RIC3: variants seen among roughly 807,000 people sequenced by gnomAD.
RIC3 encodes protein RIC-3.
In RIC3, 28 loss-of-function variants were observed where a neutral mutation model predicts 27.3. The ratio of observed to expected loss-of-function variants is 1.02; its 90% CI spans 0.76 to 1.41. The LOEUF is 1.41. Ranked by LOEUF, RIC3 falls within the 40% of genes most tolerant of loss-of-function variation. The pLI is 0.00. For synonymous variants in RIC3, 184 were observed against 160.4 expected, an observed-to-expected ratio of 1.15 and a Z score of -1.11; for missense variants, 501 against 444.7, an observed-to-expected ratio of 1.13 and a Z score of -1.14.
At chr11:8,167,270 A>G (rs1465538299) in intron 1 of RIC3, among the ~76,000 whole-genome samples, 3 of 152,194 alleles carry the variant, frequency 2.0e-5, no homozygotes, top group African/African-American at 7.2e-5. Flanking sequence ...AAACAAGTAA[A>G]CACTTAAGAA....
At chr11:8,103,919 G>T (rs1159620798), downstream of RIC3, 1 of 152,236 alleles carries the variant, frequency 6.6e-6, no homozygotes, top group Non-Finnish European at 1.5e-5. Context: ...GCACAAAGAG[G>T]GAGTTGGCTG....
chr11:8,110,691 G>A lies in RIC3; in HGVS notation c.*7C>T. 6.2e-7 allele frequency: 1 copy of A among 1,613,112 alleles called. No homozygotes were observed. The highest frequency in any genetic ancestry group is 8.5e-7 in the Non-Finnish European group (1 of 1,179,126). On this transcript the variant is annotated 3_prime_UTR_variant, in exon 6 of 6. Coordinates refer to ENST00000309737, the MANE Select transcript of RIC3 (RefSeq NM_001206671.4). Reference sequence around the variant, plus strand: ...CTTGAGTAATGGATACTTCAGACTGGCTGTTTTCACTCTAAACCCTGGGGG... The same window carrying A: ...CTTGAGTAATGGATACTTCAGACTGACTGTTTTCACTCTAAACCCTGGGGG...
At chr11:8,097,277 T>C in the RIC3 span, 5 of 1,614,008 alleles carry the variant, frequency 3.1e-6, no homozygotes, top group African/African-American at 2.7e-5. Context: ...CCAGTGGACG[T>C]TGAGGTCCAG....
At chr11:8,134,874 C>A (rs538275528) in intron 4 of RIC3, among the ~76,000 whole-genome samples, 5 of 151,994 alleles carry the variant, frequency 3.3e-5, no homozygotes, top group Non-Finnish European at 7.4e-5. Flanking sequence ...TTGAGTTCAT[C>A]GTAGATTCCG....
the RIC3 span, chr11:8,096,957 C>A: frequency 2.1e-6 from 2 of 961,968 alleles, no homozygotes; most frequent in Non-Finnish European, 3.2e-6. Flanking sequence ...ACCTCTTCAG[C>A]TAGGCCAGCA....
At chr11:8,101,911 C>G (rs529676584), downstream of RIC3, 36 of 387,260 alleles carry the variant, frequency 9.3e-5, no homozygotes, top group East Asian at 1.6e-3. Flanking sequence ...TGTAGTCGTA[C>G]TTACCAAGCT....
chr11:8,113,973 C>T (rs548437623), intron 5 of RIC3, among the ~76,000 whole-genome samples: 1 of 152,308 alleles, frequency 6.6e-6, no homozygotes, highest in Admixed American at 6.5e-5. Flanking sequence ...GATACAAGCA[C>T]CAGGTCCATG....
At chr11:8,145,529 A>C (rs796424692) in intron 1 of RIC3, among the ~76,000 whole-genome samples, 3 of 152,300 alleles carry the variant, frequency 2.0e-5, no homozygotes, top group African/African-American at 7.2e-5. Context: ...GGGTAGGTAT[A>C]CATCTCTTTC....
At position 8,140,155 on chromosome 11, in the gene RIC3, G is replaced by T. The variant is rs749615614; in HGVS notation, c.163C>A (p.Gln55Lys). ...GGAGTCTGGCCATCTGAGGGTGCCT[G>T]GTGATGATGCATCATAGGTGGAAAT... The part of the protein sequence containing the change: ...GRFPPMMHHH[Q>K]APSDGQTPGA... The change falls in exon 2 of 6, where the codon CAG becomes AAG. Residue 55 changes from glutamine to lysine, a missense_variant. Physicochemically the swap from Gln to Lys is moderately conservative, Grantham distance 53. Coordinates refer to ENST00000309737, the MANE Select transcript of RIC3 (RefSeq NM_001206671.4). The T allele has an allele frequency of 3.1e-6, 5 of 1,613,992 alleles. No homozygotes were observed. The Admixed American group carries it at 8.3e-5, about 27-fold the overall frequency.
rs1346093980 is a variant in RIC3 at position 8,109,675 on chromosome 11, A to C, written c.*1023T>G. 1 of 152,200 alleles carries C rather than the reference A, an allele frequency of 6.6e-6. No homozygotes were observed. The highest frequency in any genetic ancestry group is 1.5e-5 in the Non-Finnish European group (1 of 68,024). 9.4% of individuals were successfully genotyped at this position (152,200 alleles called of 1,614,324 possible). ...TGTTTCAATTTATGGTTCTGAGAAG[A>C]AATTTCTCAAAGGGTGCAACATTCA... is the stretch of plus-strand genomic sequence containing the variant. On this transcript the variant is annotated 3_prime_UTR_variant, in exon 6 of 6. Coordinates refer to ENST00000309737, the MANE Select transcript of RIC3 (RefSeq NM_001206671.4).
At chr11:8,104,780 A>G (rs539981990), downstream of RIC3, 2 of 152,260 alleles carry the variant, frequency 1.3e-5, no homozygotes, top group East Asian at 3.9e-4. Context: ...AAATCAAGAC[A>G]CTAGTTCAGA....
intron 5 of RIC3, among the ~76,000 whole-genome samples, chr11:8,123,450 G>A (rs1488681400): frequency 2.0e-5 from 3 of 152,110 alleles, no homozygotes; most frequent in African/African-American, 7.2e-5. Context: ...CCAAATTACA[G>A]TTCTCTGAAA....
downstream of RIC3, chr11:8,104,721 A>G (rs779189074): frequency 9.9e-5 from 15 of 152,074 alleles, no homozygotes; most frequent in Non-Finnish European, 1.8e-4. Context: ...GGTATGTTGC[A>G]CGTATGCTTT....
chr11:8,097,605 A>C, the RIC3 span: 1 of 1,299,922 alleles, frequency 7.7e-7, no homozygotes, highest in Non-Finnish European at 1.1e-6. Flanking sequence ...GTGTGCACAT[A>C]TGTGCGTTTG....
Position 8,106,854 on chromosome 11 carries a change from G to T in RIC3, c.*3844C>A. 6.6e-6 allele frequency: 1 copy of T among 152,222 alleles called. No homozygotes were observed. The highest frequency in any genetic ancestry group is 1.5e-5 in the Non-Finnish European group (1 of 68,050). 9.4% of individuals were successfully genotyped at this position (152,222 alleles called of 1,614,324 possible). A position where few individuals can be genotyped will look rare whatever the true frequency, so the allele number is the denominator to read the frequency against. On this transcript the variant is annotated 3_prime_UTR_variant, in exon 6 of 6. Coordinates refer to ENST00000309737, the MANE Select transcript of RIC3 (RefSeq NM_001206671.4). ...GGCCCTGGGCCACTCCTGGCAATCA[G>T]GGTAGCCTTAGAGGGTGTCAGGTGT... is the stretch of plus-strand genomic sequence containing the variant.
chr11:8,101,893 T>A (rs984715848), downstream of RIC3: 2 of 453,122 alleles, frequency 4.4e-6, no homozygotes, highest in Non-Finnish European at 3.9e-6. Context: ...CTTGGGGTAG[T>A]AGTGTGTTGT....
intron 1 of RIC3, among the ~76,000 whole-genome samples, chr11:8,145,223 A>G (rs1949551422): frequency 6.6e-6 from 1 of 151,802 alleles, no homozygotes; most frequent in Non-Finnish European, 1.5e-5. Context: ...AAGAAAGAAA[A>G]TACAATGTGG....
chr11:8,141,676 A>C (rs1949088811), intron 1 of RIC3, among the ~76,000 whole-genome samples: 1 of 152,078 alleles, frequency 6.6e-6, no homozygotes, highest in Non-Finnish European at 1.5e-5. Context: ...CACCAAGTGG[A>C]CCTAATAGAC....
At chr11:8,101,857 C>CGGCGAG, downstream of RIC3, 10 of 576,038 alleles carry the variant, frequency 1.7e-5, no homozygotes, top group South Asian at 4.9e-5. Context: ...TCTTTCCATG[C>CGGCGAG]CACGAGATCA....
Sources: allele counts gnomAD v4.1 joint callset (sites outside exome capture counted in the v4.1 genomes callset), GRCh38; gene constraint gnomAD v4.1.1; transcripts MANE v1.5; gene names NCBI Gene and HGNC (gene_info 2026-07-23, HGNC 2026-07-21).